The following MCU variants were observed in gnomAD, a reference collection of about 807,000 sequenced individuals.
The protein encoded by MCU is mitochondrial calcium uniporter.
In MCU, 12 loss-of-function variants were observed where a neutral mutation model predicts 45.2. That is an observed-to-expected ratio of 0.27 (90% confidence interval 0.17 to 0.43). MCU has a LOEUF of 0.43. Among genes scored for constraint, MCU ranks in the 20% least tolerant of loss-of-function variants. MCU has a pLI of 1.00. For missense variants in MCU, 324 were observed against 436.7 expected (o/e 0.74, Z 2.30); for synonymous variants, 160 against 165.1 (o/e 0.97, Z 0.24).
chr10:72,860,389 G>A, intron 3 of MCU, 34 bp from the exon 4 acceptor site: 1 of 1,531,928 alleles, frequency 6.5e-7, no homozygotes, highest in East Asian at 2.2e-5. Flanking sequence ...AATAATTATG[G>A]ACCTATGACA....
chr10:72,816,856 T>C (rs1243260304), intron 1 of MCU, among the ~76,000 whole-genome samples: 1 of 152,356 alleles, frequency 6.6e-6, no homozygotes, highest in East Asian at 1.9e-4. Flanking sequence ...CAAGTTCATA[T>C]AAGTGTGATG....
chr10:72,860,133 G>C (rs1214785102), intron 3 of MCU: 4 of 323,772 alleles, frequency 1.2e-5, no homozygotes, highest in African/African-American at 2.1e-5. Flanking sequence ...AGCCCATACA[G>C]CTGTCCCAGT....
chr10:72,729,207 G>A (rs997857199), intron 1 of MCU, among the ~76,000 whole-genome samples: 11 of 152,224 alleles, frequency 7.2e-5, no homozygotes, highest in Non-Finnish European at 1.5e-5. Flanking sequence ...GTTCATGCCT[G>A]TAATCCCAGC....
At chr10:72,788,220 A>G (rs2132761149) in intron 1 of MCU, among the ~76,000 whole-genome samples, 1 of 152,352 alleles carries the variant, frequency 6.6e-6, no homozygotes, top group Admixed American at 6.5e-5. Context: ...GCTGACTATG[A>G]GTATATGACT....
chr10:72,828,436 A>T (rs917801954), intron 1 of MCU, among the ~76,000 whole-genome samples: 1 of 152,148 alleles, frequency 6.6e-6, no homozygotes, highest in African/African-American at 2.4e-5. Context: ...CTAGGTTAAT[A>T]AGGAAATAAC....
At chr10:72,708,022 A>G (rs1667093498) in intron 1 of MCU, among the ~76,000 whole-genome samples, 2 of 152,190 alleles carry the variant, frequency 1.3e-5, no homozygotes, top group South Asian at 2.1e-4. Context: ...TTTATACAGT[A>G]CTTTACAAGT....
At chr10:72,745,585 G>A (rs1843403996) in intron 1 of MCU, among the ~76,000 whole-genome samples, 1 of 152,054 alleles carries the variant, frequency 6.6e-6, no homozygotes, top group South Asian at 2.1e-4. Flanking sequence ...TCATCACAGG[G>A]ATATGGCAAA....
chr10:72,807,096 ATATT>A (rs1159677140), intron 1 of MCU, among the ~76,000 whole-genome samples: 3 of 152,176 alleles, frequency 2.0e-5, no homozygotes, highest in Non-Finnish European at 4.4e-5. Context: ...CTGAGAAACA[ATATT>A]TATTTTATTG....
chr10:72,751,341 C>CTTCTTTTTTTTTTTTTTTTTTT (rs1474252109), intron 1 of MCU, among the ~76,000 whole-genome samples: 2 of 44,752 alleles, frequency 4.5e-5, no homozygotes, highest in African/African-American at 1.7e-4. Context: ...TCTTCTTCTT[C>CTTCTTTTTTTTTTTTTTTTTTT]TTTTTTTTTT....
chr10:72,884,224 A>G lies in MCU; in HGVS notation c.862-42A>G, dbSNP rs376478297. 29 of 1,140,096 alleles carry G rather than the reference A, an allele frequency of 2.5e-5. No homozygotes were observed. The Middle Eastern group carries it at 1.2e-3, about 48-fold the overall frequency. The allele number at this position is 1,140,096 out of a possible 1,614,324, so 70.6% of individuals were successfully genotyped here. On this transcript the variant is annotated intron_variant, in intron 6 of 7. Coordinates refer to ENST00000373053, the MANE Select transcript of MCU (RefSeq NM_138357.3). ...CAGTTAGTAAATATTTTGTGAAGATAGTATGCTAAGGACTGATAATTCCGT... is the reference window on the plus strand; with the variant it reads ...CAGTTAGTAAATATTTTGTGAAGATGGTATGCTAAGGACTGATAATTCCGT...
At chr10:72,837,428 C>G (rs886390631) in intron 2 of MCU, among the ~76,000 whole-genome samples, 3 of 152,136 alleles carry the variant, frequency 2.0e-5, no homozygotes, top group Non-Finnish European at 4.4e-5. Context: ...ACAAGCAGAC[C>G]TAGGTTTATA....
intron 1 of MCU, among the ~76,000 whole-genome samples, chr10:72,833,428 T>G (rs1018343141): frequency 6.6e-6 from 1 of 152,194 alleles, no homozygotes; most frequent in Non-Finnish European, 1.5e-5. Context: ...AGATGGAAAT[T>G]AATGATAGTC....
At chr10:72,749,205 A>G (rs1424028192) in intron 1 of MCU, among the ~76,000 whole-genome samples, 1 of 152,016 alleles carries the variant, frequency 6.6e-6, no homozygotes, top group Non-Finnish European at 1.5e-5. Flanking sequence ...GGATTGCTTG[A>G]GCCCTGGAGG....
chr10:72,799,641 A>T (rs979454682), intron 1 of MCU, among the ~76,000 whole-genome samples: 6 of 152,164 alleles, frequency 3.9e-5, no homozygotes, highest in African/African-American at 1.4e-4. Context: ...TTTTGTAAAC[A>T]GAATTTTTGG....
At chr10:72,851,754 T>A (rs2132857828) in intron 2 of MCU, among the ~76,000 whole-genome samples, 1 of 152,334 alleles carries the variant, frequency 6.6e-6, no homozygotes, top group East Asian at 1.9e-4. Context: ...ACTTACATCT[T>A]AGCAGAATTC....
chr10:72,822,469 T>C (rs989932342), intron 1 of MCU, among the ~76,000 whole-genome samples: 1 of 152,154 alleles, frequency 6.6e-6, no homozygotes, highest in Non-Finnish European at 1.5e-5. Context: ...TAGAGTAACA[T>C]GACTTACCAA....
chr10:72,794,170 C>T (rs925833558), intron 1 of MCU, among the ~76,000 whole-genome samples: 3 of 152,156 alleles, frequency 2.0e-5, no homozygotes, highest in African/African-American at 7.2e-5. Context: ...GTCGCAGTTA[C>T]TTTCATCCAA....
intron 1 of MCU, among the ~76,000 whole-genome samples, chr10:72,699,699 C>T (rs1318344270): frequency 6.7e-6 from 1 of 150,250 alleles, no homozygotes; most frequent in Non-Finnish European, 1.5e-5. Flanking sequence ...TCAAGTGATT[C>T]TGCTGCCCCA....
At chr10:72,802,532 A>G (rs1844359414) in intron 1 of MCU, among the ~76,000 whole-genome samples, 1 of 152,190 alleles carries the variant, frequency 6.6e-6, no homozygotes, top group Non-Finnish European at 1.5e-5. Context: ...TTGTAATTTC[A>G]TCAGAAACTG....
Sources: allele counts gnomAD v4.1 joint callset (sites outside exome capture counted in the v4.1 genomes callset), GRCh38; gene constraint gnomAD v4.1.1; transcripts MANE v1.5; gene names NCBI Gene and HGNC (gene_info 2026-07-23, HGNC 2026-07-21).